SMYD4: variants seen among roughly 807,000 people sequenced by gnomAD.
SMYD4 encodes protein-lysine N-methyltransferase SMYD4.
Under a neutral mutation model 72.8 loss-of-function variants are expected in SMYD4, and 68 were observed. The observed-to-expected ratio is 0.93, with a 90% CI of 0.77 to 1.14. SMYD4 has a LOEUF of 1.14. SMYD4 is among the 50% of genes most tolerant of loss of function. The pLI is 0.00. For missense variants in SMYD4, 984 were observed against 1,003.7 expected, an observed-to-expected ratio of 0.98 and a Z score of 0.27; for synonymous variants, 407 against 388.6, an observed-to-expected ratio of 1.05 and a Z score of -0.56.
At chr17:1,793,995 GTA>G (rs546171787) in intron 5 of SMYD4, among the ~76,000 whole-genome samples, 5 of 91,598 alleles carry the variant, frequency 5.5e-5, no homozygotes, top group Non-Finnish European at 1.0e-4. Flanking sequence ...TAATTTTTGT[GTA>G]TATATATATG....
intron 3 of SMYD4, among the ~76,000 whole-genome samples, chr17:1,809,685 G>T (rs9893456): frequency 0.44 from 53,680 of 121,644 alleles, 11,019 homozygotes; most frequent in African/African-American, 0.6. Context: ...TATTATTATT[G>T]TTTTGAGACA....
At chr17:1,784,802 G>A (rs1469355301) in intron 7 of SMYD4, among the ~76,000 whole-genome samples, 1 of 151,704 alleles carries the variant, frequency 6.6e-6, no homozygotes, top group Non-Finnish European at 1.5e-5. Context: ...ATGGAGTCTC[G>A]CTCGGTCTCC....
intron 2 of SMYD4, among the ~76,000 whole-genome samples, chr17:1,818,025 C>A (rs1453590697): frequency 6.7e-5 from 8 of 120,178 alleles, no homozygotes; most frequent in African/African-American, 2.3e-4. Context: ...CCAGCCTGGG[C>A]GATGGAGCAA....
intron 5 of SMYD4, among the ~76,000 whole-genome samples, chr17:1,796,846 A>T (rs1909434222): frequency 6.6e-6 from 1 of 152,230 alleles, no homozygotes; most frequent in Admixed American, 6.5e-5. Flanking sequence ...AAAGTAAAGT[A>T]TATTAAAAAA....
At chr17:1,799,462 C>T (rs1909588967) in intron 5 of SMYD4, among the ~76,000 whole-genome samples, 1 of 151,328 alleles carries the variant, frequency 6.6e-6, no homozygotes, top group South Asian at 2.1e-4. Context: ...CTCCACCTCC[C>T]GGGTTCAGGT....
At position 1,800,171 on chromosome 17, in the gene SMYD4, G is replaced by A. The variant is rs1470503918; in HGVS notation, c.1223C>T (p.Pro408Leu). The change falls in exon 5 of 11, where the codon CCA becomes CTA. Residue 408 changes from proline (P) to leucine (L), a missense_variant. By Grantham distance (98) the Pro-to-Leu change is moderately conservative. Transcript: ENST00000305513. ...CCCATTAATATCGCATCCAGGAATT[G>A]GGGTCTCAACGATGTTGCCATTTTT... ...SEKNGNIVET[P>L]IPGCDINGKY... is the part of the protein sequence containing the mutation. 6.2e-7 allele frequency: 1 copy of A among 1,610,612 alleles called. No homozygotes were observed. Among genetic ancestry groups the A allele is most frequent in the African/African-American group, 1.3e-5 (1 of 74,754 alleles).
intron 3 of SMYD4, among the ~76,000 whole-genome samples, chr17:1,806,389 T>G (rs1387077876): frequency 6.6e-6 from 1 of 152,082 alleles, no homozygotes; most frequent in Admixed American, 6.6e-5. Context: ...AACACTGAAC[T>G]GGAAAAAATA....
chr17:1,816,423 T>C (rs1910597162), intron 2 of SMYD4, among the ~76,000 whole-genome samples: 1 of 151,576 alleles, frequency 6.6e-6, no homozygotes, highest in Non-Finnish European at 1.5e-5. Flanking sequence ...ATTGAGACCG[T>C]CCTGGCTAAC....
chr17:1,793,057 A>G (rs1238865850), intron 5 of SMYD4, among the ~76,000 whole-genome samples: 3 of 152,058 alleles, frequency 2.0e-5, no homozygotes, highest in African/African-American at 7.2e-5. Context: ...AGCTGAGACC[A>G]CAAGCGCGCA....
chr17:1,795,323 TATCTATCTATCTAATC>T (rs796189660), intron 5 of SMYD4, among the ~76,000 whole-genome samples: 716 of 71,292 alleles, frequency 0.01, 5 homozygotes, highest in Non-Finnish European at 0.027. Context: ...CCTGGCTATC[TATCTATCTATCTAATC>T]ATCTATCTAT....
chr17:1,796,315 T>TTTTTTGGTAGAGATGGGTC (rs1909408907), intron 5 of SMYD4, among the ~76,000 whole-genome samples: 1 of 149,414 alleles, frequency 6.7e-6, no homozygotes, highest in African/African-American at 2.5e-5. Context: ...TTTTTTTTTT[T>TTTTTTGGTAGAGATGGGTC]TTGTAGAGAT....
In SMYD4 at chr17:1,784,640, C is replaced by T. The variant is rs937619776; in HGVS notation, c.1885-179G>A. ...TTTGATGGCGGCAATGGCGGCAATTCTAATGAAGTGTATCAGCAGTAGCTG... is the reference window on the plus strand; with the variant it reads ...TTTGATGGCGGCAATGGCGGCAATTTTAATGAAGTGTATCAGCAGTAGCTG... On this transcript the variant is annotated intron_variant, in intron 7 of 10. Transcript: ENST00000305513. The T allele has an allele frequency of 1.1e-5, 10 of 901,890 alleles. No individual in the cohort carries two copies. In the African/African-American group the frequency reaches 1.8e-4, roughly 16 times the overall value. The allele number at this position is 901,890 out of a possible 1,614,324, so 55.9% of individuals were successfully genotyped here. A position where few individuals can be genotyped will look rare whatever the true frequency, so the allele number is the denominator to read the frequency against.
intron 2 of SMYD4, among the ~76,000 whole-genome samples, chr17:1,816,620 A>T: frequency 7.0e-6 from 1 of 142,878 alleles, no homozygotes; most frequent in African/African-American, 2.6e-5. Flanking sequence ...ACTCTGTCTC[A>T]AAAAAAAAAA....
In SMYD4 at chr17:1,783,490, G is replaced by A. The variant is rs1421208977; in HGVS notation, c.2021-14C>T. 10 of 1,593,234 alleles carry A rather than the reference G, an allele frequency of 6.3e-6. No individual in the cohort carries two copies. The highest frequency in any genetic ancestry group is 8.5e-6 in the Non-Finnish European group (10 of 1,169,908). Reference sequence around the variant, plus strand: ...GAACAGCTCGCTCTGTCAATGCAGAGGAAAGACGTCTCACTATAGACAGAA... The same window carrying A: ...GAACAGCTCGCTCTGTCAATGCAGAAGAAAGACGTCTCACTATAGACAGAA... On this transcript the variant is annotated splice_polypyrimidine_tract_variant and intron_variant, in intron 8 of 10. Transcript: ENST00000305513.
chr17:1,806,069 C>T (rs1297020528), intron 3 of SMYD4, among the ~76,000 whole-genome samples: 2 of 151,592 alleles, frequency 1.3e-5, no homozygotes, highest in African/African-American at 2.4e-5. Flanking sequence ...GGACTACAGG[C>T]GCCCGCCACC....
intron 8 of SMYD4, chr17:1,783,867 G>GGA (rs1465662569): frequency 9.8e-6 from 3 of 305,832 alleles, no homozygotes; most frequent in African/African-American, 6.5e-5. Flanking sequence ...AGGGCAATGG[G>GGA]GAGCTCCGCA....
At chr17:1,792,601 G>A (rs1338064854) in intron 5 of SMYD4, among the ~76,000 whole-genome samples, 2 of 152,004 alleles carry the variant, frequency 1.3e-5, no homozygotes, top group Admixed American at 1.3e-4. Flanking sequence ...AGATCACGCC[G>A]CTGCACTCCA....
At chr17:1,785,597 T>C (rs1218044503) in intron 7 of SMYD4, among the ~76,000 whole-genome samples, 1 of 150,730 alleles carries the variant, frequency 6.6e-6, no homozygotes, top group Non-Finnish European at 1.5e-5. Flanking sequence ...TCGTCTCTAC[T>C]AAAAATACAA....
intron 5 of SMYD4, among the ~76,000 whole-genome samples, chr17:1,788,892 A>C (rs1283202018): frequency 6.6e-6 from 1 of 152,216 alleles, no homozygotes; most frequent in Non-Finnish European, 1.5e-5. Flanking sequence ...TGTACAGTAA[A>C]GATAACCTTG....
Sources: gnomAD v4.1 joint callset for allele counts (sites outside exome capture counted in the v4.1 genomes callset) on GRCh38, gnomAD v4.1.1 for gene constraint, MANE v1.5 for transcripts, NCBI Gene and HGNC (gene_info 2026-07-23, HGNC 2026-07-21) for gene names.